The following CLDN14 variants were observed in gnomAD, a reference collection of about 807,000 sequenced individuals.
CLDN14 encodes claudin-14.
In CLDN14, 2 loss-of-function variants were observed where a neutral mutation model predicts 2.1. That is an observed-to-expected ratio of 0.96 (90% CI 0.39 to 3.01). The LOEUF (loss-of-function observed/expected upper bound fraction) is 3.01, where lower values mean the gene tolerates loss of function less well. Among genes scored for constraint, CLDN14 ranks in the 30% most tolerant of loss-of-function variants. The probability of loss-of-function intolerance (pLI) is 0.09; values close to 1 mark genes in which losing one functional copy is unlikely to be tolerated. For missense variants in CLDN14, 298 were observed against 328.0 expected, an observed-to-expected ratio of 0.91 and a Z score of 0.71; for synonymous variants, 136 against 154.4, an observed-to-expected ratio of 0.88 and a Z score of 0.88.
At chr21:36,463,377 C>A (rs219769) in intron 1 of CLDN14, among the ~76,000 whole-genome samples, 41,156 of 152,180 alleles carry the variant, frequency 0.27, 6,157 homozygotes, top group African/African-American at 0.38. Flanking sequence ...GCAGGAAAAG[C>A]GGGTCTGCAG....
At chr21:36,504,685 C>G (rs1213079515) in intron 2 of CLDN14, among the ~76,000 whole-genome samples, 2 of 152,230 alleles carry the variant, frequency 1.3e-5, no homozygotes, top group Middle Eastern at 3.4e-3. Context: ...ATCCACATCC[C>G]CAAATTTCAC....
chr21:36,528,840 C>T (rs909200124), intron 1 of CLDN14, among the ~76,000 whole-genome samples: 3 of 152,190 alleles, frequency 2.0e-5, no homozygotes, highest in African/African-American at 7.2e-5. Context: ...CTCCTCCTCT[C>T]CCCCTTCTCC....
upstream of CLDN14, among the ~76,000 whole-genome samples, chr21:36,482,530 G>A (rs2086859615): frequency 6.6e-6 from 1 of 152,080 alleles, no homozygotes; most frequent in African/African-American, 2.4e-5. Flanking sequence ...GATTTCTCAC[G>A]GAGCCAGACT....
intron 2 of CLDN14, among the ~76,000 whole-genome samples, chr21:36,491,229 C>T (rs931104905): frequency 2.6e-5 from 4 of 152,142 alleles, no homozygotes; most frequent in Non-Finnish European, 5.9e-5. Context: ...CCCAGATATC[C>T]TGAAGAACTT....
chr21:36,477,150 C>T (rs764887097), intron 1 of CLDN14, among the ~76,000 whole-genome samples: 3 of 152,234 alleles, frequency 2.0e-5, no homozygotes, highest in Non-Finnish European at 4.4e-5. Flanking sequence ...GTCTGCAGAA[C>T]ATCAAGCCAA....
At chr21:36,462,490 A>G (rs1201006240) in intron 1 of CLDN14, among the ~76,000 whole-genome samples, 1 of 152,130 alleles carries the variant, frequency 6.6e-6, no homozygotes, top group African/African-American at 2.4e-5. Flanking sequence ...GGGTGACTTT[A>G]TTATAAAACA....
At chr21:36,484,715 T>C (rs531139304), upstream of CLDN14, among the ~76,000 whole-genome samples, 4,324 of 152,222 alleles carry the variant, frequency 0.028, 97 homozygotes, top group Admixed American at 0.063. Flanking sequence ...TAAGAAGCTT[T>C]TTTTTTTCTT....
chr21:36,522,411 T>C (rs1481072027), intron 1 of CLDN14, among the ~76,000 whole-genome samples: 1 of 152,250 alleles, frequency 6.6e-6, no homozygotes, highest in Non-Finnish European at 1.5e-5. Flanking sequence ...ACACTGAGCA[T>C]TCCCCAGGAT....
intron 1 of CLDN14, among the ~76,000 whole-genome samples, chr21:36,467,588 GTTC>G (rs1217983603): frequency 2.6e-5 from 4 of 151,602 alleles, no homozygotes; most frequent in Non-Finnish European, 4.4e-5. Context: ...TTTACTGCAA[GTTC>G]TTCTTTGGTA....
chr21:36,486,342 T>C, intron 2 of CLDN14: 1 of 846,250 alleles, frequency 1.2e-6, no homozygotes, highest in Non-Finnish European at 2.0e-6. Flanking sequence ...GTCTGAGCCT[T>C]CAGTCCCAGT....
chr21:36,539,001 T>C (rs1031325284), intron 1 of CLDN14, among the ~76,000 whole-genome samples: 1 of 152,190 alleles, frequency 6.6e-6, no homozygotes, highest in Non-Finnish European at 1.5e-5. Context: ...CCAGCGCAGC[T>C]TCCTCTGGGC....
At chr21:36,539,356 T>C (rs1568874532) in intron 1 of CLDN14, among the ~76,000 whole-genome samples, 1 of 141,912 alleles carries the variant, frequency 7.0e-6, no homozygotes, top group Non-Finnish European at 1.5e-5. Context: ...GTGTGTGGAG[T>C]GAGTGTATGT....
In CLDN14 at chr21:36,531,272, A is replaced by G. The variant is rs146737451; in HGVS notation, c.-219-20772T>C. 7.2e-3 allele frequency among the ~76,000 whole-genome samples: 1,084 copies of G among 151,426 alleles called. 1 individual carries two copies. The highest frequency in any genetic ancestry group is 0.037 in the Middle Eastern group (11 of 294). On this transcript the variant is annotated intron_variant, in intron 1 of 2. Transcript: ENST00000342108. Reference sequence around the variant, plus strand: ...ATAGAAATTTTAGGGAAATAAATATATATATATTTGCTATAAATGTTTTTT... The same window carrying G: ...ATAGAAATTTTAGGGAAATAAATATGTATATATTTGCTATAAATGTTTTTT...
intron 1 of CLDN14, among the ~76,000 whole-genome samples, chr21:36,510,793 T>C (rs1777397970): frequency 6.6e-6 from 1 of 152,248 alleles, no homozygotes; most frequent in Non-Finnish European, 1.5e-5. Context: ...TAATCCAATG[T>C]TGGTCTGGAA....
intron 1 of CLDN14, among the ~76,000 whole-genome samples, chr21:36,562,452 C>A (rs2087642770): frequency 6.6e-6 from 1 of 152,120 alleles, no homozygotes; most frequent in Non-Finnish European, 1.5e-5. Flanking sequence ...AGCTTATTCC[C>A]ATTTTCTGGC....
exon 2 of CLDN14, chr21:36,510,364 T>G (rs1371914699): frequency 6.6e-6 from 1 of 152,284 alleles, no homozygotes; most frequent in African/African-American, 2.4e-5. Flanking sequence ...TCTACCCACC[T>G]CATACATCAG....
chr21:36,474,336 G>T (rs960665889), intron 1 of CLDN14, among the ~76,000 whole-genome samples: 2 of 152,146 alleles, frequency 1.3e-5, no homozygotes, highest in Non-Finnish European at 2.9e-5. Flanking sequence ...TACAGGCGTT[G>T]CAGATACCTG....
intron 2 of CLDN14, among the ~76,000 whole-genome samples, chr21:36,502,794 C>A (rs1197388378): frequency 6.6e-6 from 1 of 152,110 alleles, no homozygotes; most frequent in African/African-American, 2.4e-5. Context: ...ACTATAAAAC[C>A]AAACACTTAT....
intron 1 of CLDN14, among the ~76,000 whole-genome samples, chr21:36,469,896 C>T (rs959906920): frequency 3.3e-5 from 5 of 151,992 alleles, no homozygotes; most frequent in African/African-American, 7.3e-5. Flanking sequence ...CTTTTCAGAG[C>T]GATTTTTCCC....
Sources: gnomAD v4.1 joint callset for allele counts (sites outside exome capture counted in the v4.1 genomes callset) on GRCh38, gnomAD v4.1.1 for gene constraint, MANE v1.5 for transcripts, NCBI Gene and HGNC (gene_info 2026-07-23, HGNC 2026-07-21) for gene names.